Variants in SPTBN1 observed in about 807,000 individuals in gnomAD.
SPTBN1 encodes the protein spectrin beta, non-erythrocytic 1, also known as spectrin beta chain, non-erythrocytic 1.
A neutral mutation model predicts 266.4 loss-of-function variants in SPTBN1; 32 were observed. The observed-to-expected ratio is 0.12, with a 90% CI of 0.09 to 0.16. SPTBN1 has a LOEUF of 0.16. SPTBN1 is among the 10% of genes least tolerant of loss of function. The pLI, the probability that SPTBN1 is intolerant of heterozygous loss-of-function variation, is 1.00. For synonymous variants in SPTBN1, 1,336 were observed against 1,162.2 expected (o/e 1.15, Z -3.04); for missense variants, 2,296 against 3,067.1 (o/e 0.75, Z 5.94).
At chr2:54,557,073 G>T (rs1486568854) in intron 2 of SPTBN1, among the ~76,000 whole-genome samples, 1 of 152,184 alleles carries the variant, frequency 6.6e-6, no homozygotes, top group African/African-American at 2.4e-5. Context: ...TTCAGGTTGG[G>T]CCTGGCTTTC....
intron 2 of SPTBN1, chr2:54,545,460 A>C (rs1367396756): frequency 6.6e-6 from 1 of 152,208 alleles, no homozygotes; most frequent in Non-Finnish European, 1.5e-5. Context: ...TAAATAAGCA[A>C]AGGTACCCAG....
chr2:54,535,094 A>G (rs904911168), intron 2 of SPTBN1: 2 of 152,200 alleles, frequency 1.3e-5, no homozygotes, highest in African/African-American at 2.4e-5. Flanking sequence ...GAGTTGATTT[A>G]TGACTGAATT....
At chr2:54,612,962 A>G (rs556760539) in intron 4 of SPTBN1, among the ~76,000 whole-genome samples, 15 of 152,188 alleles carry the variant, frequency 9.9e-5, no homozygotes, top group South Asian at 2.1e-4. Context: ...GGTACTCTCA[A>G]GGTCATTTTG....
chr2:54,577,595 C>G (rs1050800171), intron 2 of SPTBN1, among the ~76,000 whole-genome samples: 1 of 152,174 alleles, frequency 6.6e-6, no homozygotes, highest in East Asian at 1.9e-4. Context: ...AGGCATTGTC[C>G]TAAGTACTTT....
chr2:54,503,343 CAT>C (rs896165614), intron 1 of SPTBN1, among the ~76,000 whole-genome samples: 1 of 152,196 alleles, frequency 6.6e-6, no homozygotes, highest in African/African-American at 2.4e-5. Flanking sequence ...GTGGGGGTCT[CAT>C]TGCTCATCTG....
rs751570635 is a variant in SPTBN1 at position 54,629,074 on chromosome 2, T to C, written c.1940T>C (p.Met647Thr). ...SRRLWKFFWE[M>T]AEEEGWIREK... is the part of the protein sequence containing the mutation. ...CGCCTCTGGAAGTTCTTCTGGGAGATGGCAGAAGAGGAAGGCTGGATACGG... is the reference window on the plus strand; with the variant it reads ...CGCCTCTGGAAGTTCTTCTGGGAGACGGCAGAAGAGGAAGGCTGGATACGG... The change falls in exon 14 of 36, where the codon ATG (methionine) becomes ACG (threonine). Residue 647 changes from methionine to threonine, a missense_variant. Physicochemically the swap from Met to Thr is moderately conservative, Grantham distance 81. This residue lies in a region of SPTBN1 where 434 missense variants were observed against 573.9 expected (regional missense o/e 0.76). Coordinates refer to ENST00000356805, the MANE Select transcript of SPTBN1 (RefSeq NM_003128.3). The C allele has an allele frequency of 6.2e-7, 1 of 1,613,800 alleles. No homozygotes were observed. The highest frequency in any genetic ancestry group is 1.7e-5 in the Admixed American group (1 of 60,012).
chr2:54,493,415 G>GGGGGGC (rs1272593591), intron 1 of SPTBN1, among the ~76,000 whole-genome samples: 1 of 150,660 alleles, frequency 6.6e-6, no homozygotes, highest in Non-Finnish European at 1.5e-5. Context: ...TCTTTTTTGG[G>GGGGGGC]GGGTTGGGGG....
intron 1 of SPTBN1, among the ~76,000 whole-genome samples, chr2:54,459,334 G>A (rs932388519): frequency 6.6e-6 from 1 of 152,226 alleles, no homozygotes; most frequent in African/African-American, 2.4e-5. Context: ...ATGTTGCAGA[G>A]CAAATGAGAA....
chr2:54,553,905 C>A (rs575002848), intron 2 of SPTBN1, among the ~76,000 whole-genome samples: 15 of 152,238 alleles, frequency 9.9e-5, no homozygotes, highest in African/African-American at 2.9e-4. Flanking sequence ...CCTCTTAGAA[C>A]AAACAGAGGC....
Position 54,645,341 on chromosome 2 carries a change from T to A in SPTBN1, c.4382T>A (p.Leu1461His). The A allele has an allele frequency of 6.2e-7, 1 of 1,614,128 alleles. No homozygotes were observed. Among genetic ancestry groups the A allele is most frequent in the Non-Finnish European group, 8.5e-7 (1 of 1,180,026 alleles). Residue 1461 changes from leucine to histidine, a missense_variant, in exon 21 of 36, where the codon CTC becomes CAC. Physicochemically the swap from Leu to His is moderately conservative, Grantham distance 99 (BLOSUM62 -3). Around this residue, in one of 12 missense-constraint regions of SPTBN1, gnomAD observed 386 missense variants for 486.1 expected, o/e 0.79. Coordinates refer to ENST00000356805, the MANE Select transcript of SPTBN1 (RefSeq NM_003128.3). This position sits in a 1 kb window ranked among gnomAD's most constrained non-coding sequence, Gnocchi z 4.3. ...ACCGACGAGGTAGACAGCAAGCGCC[T>A]CACCGTGCAGACCAAGTTCATGGAG... The part of the protein sequence containing the change: ...KSTDEVDSKR[L>H]TVQTKFMELL...
intron 1 of SPTBN1, among the ~76,000 whole-genome samples, chr2:54,483,077 T>G (rs1668180165): frequency 6.6e-6 from 1 of 152,186 alleles, no homozygotes; most frequent in Non-Finnish European, 1.5e-5. Flanking sequence ...CTTTATTCTT[T>G]CAGAGCCGAG....
chr2:54,512,703 G>A (rs1669920989), intron 1 of SPTBN1, among the ~76,000 whole-genome samples: 1 of 152,154 alleles, frequency 6.6e-6, no homozygotes. Context: ...ATAAATCTGA[G>A]TAAAGAGAAG....
rs531979350 is a variant in SPTBN1, at chr2:54,649,628, G to A, written c.5216G>A (p.Arg1739Gln). 4 of 1,608,380 alleles carry A rather than the reference G, an allele frequency of 2.5e-6. No homozygotes were observed. Among genetic ancestry groups the A allele is most frequent in the East Asian group, 2.2e-5 (1 of 44,680 alleles). The change falls in exon 26 of 36, where the codon CGA (arginine) becomes CAA (glutamine). Residue 1739 changes from arginine to glutamine, a missense_variant. Physicochemically the swap from Arg to Gln is conservative, Grantham distance 43. Around this residue, in one of 12 missense-constraint regions of SPTBN1, gnomAD observed 644 missense variants for 745.3 expected, o/e 0.86. Coordinates refer to ENST00000356805, the MANE Select transcript of SPTBN1 (RefSeq NM_003128.3). This position sits in a 1 kb window ranked among gnomAD's most constrained non-coding sequence, Gnocchi z 6.7. ...TCCCCGTTTCAGATGTTACAAGAACGATTCCGGGAGTTTGCCCGAGACACC... is the reference window on the plus strand; with the variant it reads ...TCCCCGTTTCAGATGTTACAAGAACAATTCCGGGAGTTTGCCCGAGACACC... ...DYEHVTMLQERFREFARDTGN... is the reference protein window; with the variant it reads ...DYEHVTMLQEQFREFARDTGN...
At chr2:54,490,935 G>A (rs1265360996) in intron 1 of SPTBN1, among the ~76,000 whole-genome samples, 1 of 152,148 alleles carries the variant, frequency 6.6e-6, no homozygotes, top group Non-Finnish European at 1.5e-5. Context: ...CTGAGGCCAG[G>A]CAAAAACTCT....
intron 18 of SPTBN1, among the ~76,000 whole-genome samples, chr2:54,642,690 C>T (rs1046429702): frequency 6.6e-6 from 1 of 151,902 alleles, no homozygotes; most frequent in African/African-American, 2.4e-5. Flanking sequence ...TAAACACGGG[C>T]CTTTTGTGGG....
chr2:54,615,145 T>A (rs78700501), intron 4 of SPTBN1, among the ~76,000 whole-genome samples: 1 of 149,018 alleles, frequency 6.7e-6, no homozygotes, highest in Non-Finnish European at 1.5e-5. Context: ...AATTTTTTTT[T>A]AATGTAGTTG....
At chr2:54,502,858 TG>T (rs1669345073) in intron 1 of SPTBN1, among the ~76,000 whole-genome samples, 1 of 152,146 alleles carries the variant, frequency 6.6e-6, no homozygotes. Flanking sequence ...AGAGGGCCAG[TG>T]TTTGTTGGCT....
intron 1 of SPTBN1, among the ~76,000 whole-genome samples, chr2:54,506,473 T>G (rs1038389107): frequency 6.6e-6 from 1 of 152,120 alleles, no homozygotes; most frequent in African/African-American, 2.4e-5. Context: ...TTTTTTCTAC[T>G]TATAGTTTAC....
At chr2:54,660,796 C>T (rs889861832) in intron 32 of SPTBN1, 6 of 985,410 alleles carry the variant, frequency 6.1e-6, no homozygotes, top group Non-Finnish European at 7.2e-6. Context: ...GTAAAGTGCC[C>T]GCTGACTGCT....
Sources: allele counts gnomAD v4.1 joint callset (sites outside exome capture counted in the v4.1 genomes callset), GRCh38; gene constraint gnomAD v4.1.1; regional missense constraint gnomAD v4.1.1; non-coding constraint Gnocchi (gnomAD v3.1); transcripts MANE v1.5; gene names NCBI Gene and HGNC (gene_info 2026-07-23, HGNC 2026-07-21).